The following PTPRT variants were observed in gnomAD, a reference collection of about 807,000 sequenced individuals.
The protein encoded by PTPRT is protein tyrosine phosphatase receptor type T.
PTPRT carries 56 observed loss-of-function variants against 176.8 expected under a neutral mutation model. That is an observed-to-expected ratio of 0.32 (90% CI 0.26 to 0.40). The LOEUF is 0.40. PTPRT is among the 10% of genes least tolerant of loss of function. The pLI is 1.00. For synonymous variants in PTPRT, 783 were observed against 739.0 expected, an observed-to-expected ratio of 1.06 and a Z score of -0.96; for missense variants, 1,540 against 1,908.2, an observed-to-expected ratio of 0.81 and a Z score of 3.60.
intron 8 of PTPRT, among the ~76,000 whole-genome samples, chr20:42,451,995 G>A (rs891577157): frequency 2.0e-5 from 3 of 152,158 alleles, no homozygotes; most frequent in African/African-American, 7.2e-5. Context: ...TAGAGGCTGG[G>A]CTTGGTGGCC....
intron 6 of PTPRT, among the ~76,000 whole-genome samples, chr20:42,707,588 G>A (rs996341735): frequency 2.6e-5 from 4 of 152,108 alleles, no homozygotes; most frequent in South Asian, 2.1e-4. Context: ...AGTGGCCACC[G>A]GCTAATAGCC....
chr20:42,112,411 T>C (rs546532302), intron 22 of PTPRT, among the ~76,000 whole-genome samples: 1 of 152,270 alleles, frequency 6.6e-6, no homozygotes, highest in Non-Finnish European at 1.5e-5. Flanking sequence ...TGACTGATAG[T>C]AGAGGGAGAG....
At chr20:42,614,363 T>C (rs1166196299) in intron 7 of PTPRT, among the ~76,000 whole-genome samples, 1 of 152,044 alleles carries the variant, frequency 6.6e-6, no homozygotes, top group Non-Finnish European at 1.5e-5. Context: ...TATTCTGAGA[T>C]CAGAGGGTTA....
At chr20:42,620,180 G>A (rs2074162867) in intron 7 of PTPRT, among the ~76,000 whole-genome samples, 3 of 147,508 alleles carry the variant, frequency 2.0e-5, no homozygotes, top group Middle Eastern at 7.0e-3. Context: ...TCAGCTGCAG[G>A]TCTGTTGGAA....
intron 9 of PTPRT, among the ~76,000 whole-genome samples, chr20:42,441,679 G>A (rs1001426518): frequency 2.0e-5 from 3 of 152,180 alleles, no homozygotes; most frequent in Non-Finnish European, 2.9e-5. Flanking sequence ...AGCAGAGATG[G>A]TGCCATGCGG....
intron 15 of PTPRT, among the ~76,000 whole-genome samples, chr20:42,228,770 G>GA (rs1228194125): frequency 6.6e-6 from 1 of 152,182 alleles, no homozygotes; most frequent in Non-Finnish European, 1.5e-5. Flanking sequence ...ACAATCTTAT[G>GA]ATGCCTGATT....
intron 7 of PTPRT, among the ~76,000 whole-genome samples, chr20:42,615,395 A>G (rs1438235186): frequency 2.2e-5 from 3 of 137,694 alleles, no homozygotes; most frequent in East Asian, 2.0e-4. Flanking sequence ...TGCAATAAAC[A>G]TATGTGTGCA....
At chr20:42,558,664 A>G (rs2145640684) in intron 7 of PTPRT, among the ~76,000 whole-genome samples, 1 of 152,006 alleles carries the variant, frequency 6.6e-6, no homozygotes, top group East Asian at 1.9e-4. Flanking sequence ...CTCAAACCCA[A>G]CTCTACTAAT....
intron 6 of PTPRT, 72 bp downstream of exon 6, chr20:42,756,390 G>A: frequency 2.2e-6 from 3 of 1,372,768 alleles, no homozygotes; most frequent in Non-Finnish European, 2.9e-6. Flanking sequence ...ATCAGCAGAT[G>A]AGAAAAGGGG....
intron 6 of PTPRT, among the ~76,000 whole-genome samples, chr20:42,746,324 A>G (rs1473915213): frequency 6.6e-6 from 1 of 152,216 alleles, no homozygotes; most frequent in Non-Finnish European, 1.5e-5. Flanking sequence ...TCTTTCCATA[A>G]AAAGCTAATG....
intron 7 of PTPRT, among the ~76,000 whole-genome samples, chr20:42,474,334 G>A (rs932759274): frequency 6.6e-5 from 10 of 152,120 alleles, no homozygotes; most frequent in African/African-American, 1.7e-4. Context: ...CTGTCCCTAT[G>A]GGGAAAATAT....
At chr20:42,806,357 G>A (rs941433912) in intron 2 of PTPRT, among the ~76,000 whole-genome samples, 9 of 151,750 alleles carry the variant, frequency 5.9e-5, no homozygotes, top group Middle Eastern at 3.2e-3. Context: ...GGTGGCGCAC[G>A]ATTGTAATCT....
chr20:43,167,331 A>T (rs1031185745), intron 1 of PTPRT, among the ~76,000 whole-genome samples: 4 of 152,244 alleles, frequency 2.6e-5, no homozygotes, highest in Non-Finnish European at 4.4e-5. Flanking sequence ...GATCAAATCT[A>T]TCAGAATTTT....
chr20:42,446,998 C>T (rs1283482972), intron 9 of PTPRT, among the ~76,000 whole-genome samples: 1 of 152,188 alleles, frequency 6.6e-6, no homozygotes. Context: ...GTTGGATAAT[C>T]TTCTCCCTCA....
chr20:42,760,036 A>G (rs1464790247), intron 5 of PTPRT, among the ~76,000 whole-genome samples: 2 of 152,196 alleles, frequency 1.3e-5, no homozygotes, highest in Non-Finnish European at 2.9e-5. Flanking sequence ...GGAGTCATGG[A>G]GCATGAAGTG....
At chr20:42,514,731 T>A (rs2072029378) in intron 7 of PTPRT, among the ~76,000 whole-genome samples, 1 of 152,228 alleles carries the variant, frequency 6.6e-6, no homozygotes, top group Non-Finnish European at 1.5e-5. Flanking sequence ...CATTTATTCA[T>A]CAAAAATTGA....
chr20:42,318,561 C>A (rs1600827903), intron 11 of PTPRT, among the ~76,000 whole-genome samples: 1 of 152,234 alleles, frequency 6.6e-6, no homozygotes, highest in East Asian at 1.9e-4. Flanking sequence ...TAACAACAGA[C>A]CTAAGAACAC....
At chr20:42,102,326 C>T in intron 25 of PTPRT, 29 bp from the exon 26 acceptor site, 1 of 1,599,596 alleles carries the variant, frequency 6.3e-7, no homozygotes, top group Non-Finnish European at 8.6e-7. Context: ...AATAGATAGG[C>T]CCTGCTCATT....
intron 1 of PTPRT, among the ~76,000 whole-genome samples, chr20:43,069,402 C>A (rs2011151814): frequency 6.6e-6 from 1 of 152,194 alleles, no homozygotes; most frequent in African/African-American, 2.4e-5. Context: ...ACATTAACAT[C>A]AAAATGATGA....
Sources: gnomAD v4.1 joint callset for allele counts (sites outside exome capture counted in the v4.1 genomes callset) on GRCh38, gnomAD v4.1.1 for gene constraint, MANE v1.5 for transcripts, NCBI Gene and HGNC (gene_info 2026-07-23, HGNC 2026-07-21) for gene names.